NDUFA12: variants seen among roughly 807,000 people sequenced by gnomAD.
The protein encoded by NDUFA12 is NADH:ubiquinone oxidoreductase subunit A12.
A neutral mutation model predicts 20.3 loss-of-function variants in NDUFA12; 17 were observed. The observed-to-expected ratio is 0.84, with a 90% CI of 0.57 to 1.26. NDUFA12 has a LOEUF of 1.26. Ranked by LOEUF, NDUFA12 falls within the 50% of genes most tolerant of loss-of-function variation. The pLI is 0.00. For missense variants in NDUFA12, 191 were observed against 183.7 expected (o/e 1.04, Z -0.23); for synonymous variants, 72 against 63.6 (o/e 1.13, Z -0.63).
rs750550769 is a variant in NDUFA12 at position 94,974,319 on chromosome 12, T to C, written c.258-2699A>G. 4.4e-4 allele frequency among the ~76,000 whole-genome samples: 67 copies of C among 152,126 alleles called. 1 individual carries two copies. Among genetic ancestry groups the C allele is most frequent in the Non-Finnish European group, 6.6e-4 (45 of 67,988 alleles). On this transcript the variant is annotated intron_variant, in intron 3 of 3. Transcript: ENST00000327772. ...AGATATTATCTCATCCCAGTTAAAATGGCTTTTATACAAAAGACAGGCAAT... is the reference window on the plus strand; with the variant it reads ...AGATATTATCTCATCCCAGTTAAAACGGCTTTTATACAAAAGACAGGCAAT...
intron 2 of NDUFA12, among the ~76,000 whole-genome samples, chr12:95,001,467 T>G (rs1028372977): frequency 1.3e-5 from 2 of 151,790 alleles, no homozygotes; most frequent in African/African-American, 4.8e-5. Context: ...AAAAAAAAAT[T>G]TTTTTAAACA....
chr12:95,003,610 AG>A lies in NDUFA12; in HGVS notation c.70del (p.Leu24TyrfsTer15). The A allele has an allele frequency of 6.2e-7, 1 of 1,614,168 alleles. No individual in the cohort carries two copies. Among genetic ancestry groups the A allele is most frequent in the South Asian group, 1.1e-5 (1 of 91,078 alleles). On this transcript the variant is annotated frameshift_variant, in exon 1 of 4. Transcript: ENST00000327772. LOFTEE classifies it high-confidence loss of function. ...ITGHGGLRGY[L>X]RVFFRTNDAK... ...GGCCGCCTACCTGAAAAAAACCCGTAGATAGCCTCGGAGACCGCCGTGGCCG... is the reference window on the plus strand; with the variant it reads ...GGCCGCCTACCTGAAAAAAACCCGTAATAGCCTCGGAGACCGCCGTGGCCG...
At chr12:94,995,793 C>T (rs142403704) in intron 2 of NDUFA12, among the ~76,000 whole-genome samples, 8 of 152,100 alleles carry the variant, frequency 5.3e-5, no homozygotes, top group South Asian at 2.1e-4. Flanking sequence ...TTCCTAATAG[C>T]AAAAAGTCAA....
intron 2 of NDUFA12, among the ~76,000 whole-genome samples, chr12:95,000,491 T>C (rs1464806842): frequency 1.3e-5 from 2 of 152,250 alleles, no homozygotes; most frequent in East Asian, 3.8e-4. Context: ...ATCTGCCCCA[T>C]AGTGTTAACA....
chr12:94,987,083 C>T (rs553030313), intron 3 of NDUFA12, among the ~76,000 whole-genome samples: 22 of 152,032 alleles, frequency 1.4e-4, no homozygotes, highest in Non-Finnish European at 2.2e-4. Flanking sequence ...TGGAGAAAAC[C>T]GGCAGACCCC....
chr12:95,001,707 GAATT>G (rs1316442038), intron 2 of NDUFA12, among the ~76,000 whole-genome samples: 1 of 152,120 alleles, frequency 6.6e-6, no homozygotes, highest in Non-Finnish European at 1.5e-5. Flanking sequence ...AATATTTGTA[GAATT>G]AATTCTTTTT....
At chr12:94,972,544 G>C in intron 3 of NDUFA12, 1 of 421,208 alleles carries the variant, frequency 2.4e-6, no homozygotes, top group Non-Finnish European at 4.9e-6. Context: ...GTAAACACTA[G>C]AGAATATGCA....
At chr12:95,002,950 C>CT (rs1833280315) in intron 1 of NDUFA12, 129 bp from the exon 2 acceptor site, 1 of 782,510 alleles carries the variant, frequency 1.3e-6, no homozygotes, top group Admixed American at 1.9e-5. Flanking sequence ...TGAAGAAGTG[C>CT]TGGGGATGGG....
chr12:94,985,062 C>T (rs1874378482), intron 3 of NDUFA12, among the ~76,000 whole-genome samples: 1 of 142,706 alleles, frequency 7.0e-6, no homozygotes, highest in Admixed American at 6.9e-5. Context: ...ATGGCTCATG[C>T]CTGTAATCCC....
At chr12:94,977,485 C>T (rs1215887675) in intron 3 of NDUFA12, among the ~76,000 whole-genome samples, 1 of 151,176 alleles carries the variant, frequency 6.6e-6, no homozygotes, top group Non-Finnish European at 1.5e-5. Context: ...AAAAAAAACA[C>T]CCCTCCGCCC....
rs1281033028 is a variant in NDUFA12 at position 94,971,379 on chromosome 12, TAA to T, written c.*59_*60del. On this transcript the variant is annotated 3_prime_UTR_variant, in exon 4 of 4. Coordinates refer to ENST00000327772, the MANE Select transcript of NDUFA12 (RefSeq NM_018838.5). ...GTGAATTATAGTGAATGGTAAACAG[TAA>T]AAGAGTAATTACATGAAAAGCTCCA... 1 of 1,519,754 alleles carries T rather than the reference TAA, an allele frequency of 6.6e-7. No individual in the cohort carries two copies. Among genetic ancestry groups the T allele is most frequent in the Admixed American group, 1.7e-5 (1 of 59,822 alleles). The allele number at this position is 1,519,754 out of a possible 1,614,324, so 94.1% of individuals were successfully genotyped here. A position where few individuals can be genotyped will look rare whatever the true frequency, so the allele number is the denominator to read the frequency against.
At chr12:95,001,894 T>C (rs542091797) in intron 2 of NDUFA12, among the ~76,000 whole-genome samples, 177 of 151,806 alleles carry the variant, frequency 1.2e-3, no homozygotes, top group Non-Finnish European at 2.1e-3. Context: ...TAGTAGCGAC[T>C]GGGTTTCACC....
chr12:94,989,651 A>G (rs1447582861), intron 3 of NDUFA12, among the ~76,000 whole-genome samples: 2 of 152,368 alleles, frequency 1.3e-5, no homozygotes, highest in African/African-American at 4.8e-5. Context: ...AAAGAAATGC[A>G]GCTTTGAATC....
At chr12:94,988,147 C>G (rs946824760) in intron 3 of NDUFA12, among the ~76,000 whole-genome samples, 18 of 152,162 alleles carry the variant, frequency 1.2e-4, no homozygotes, top group African/African-American at 4.3e-4. Context: ...GGCTCCACAT[C>G]ACGGAACTCT....
chr12:94,996,358 C>CACACACACACACAA (rs779235801), intron 2 of NDUFA12, among the ~76,000 whole-genome samples: 1 of 141,130 alleles, frequency 7.1e-6, no homozygotes. Flanking sequence ...CACACACACA[C>CACACACACACACAA]GAGATGGGGG....
Position 94,971,589 on chromosome 12 carries a change from G to C in NDUFA12, c.289C>G (p.Pro97Ala). Residue 97 changes from proline to alanine, a missense_variant, in exon 4 of 4, where the codon CCT (proline) becomes GCT (alanine). Physicochemically the swap from Pro to Ala is conservative, Grantham distance 27. Coordinates refer to ENST00000327772, the MANE Select transcript of NDUFA12 (RefSeq NM_018838.5). Reference sequence around the variant, plus strand: ...GCAGTAAGTGGTTTTGTTGTTGGAGGATCATCAGTCATACTGTGAAGCCAA... The same window carrying C: ...GCAGTAAGTGGTTTTGTTGTTGGAGCATCATCAGTCATACTGTGAAGCCAA... ...HRWLHSMTDD[P>A]PTTKPLTARK... 1 of 1,614,146 alleles carries C rather than the reference G, an allele frequency of 6.2e-7. No individual in the cohort carries two copies. Among genetic ancestry groups the C allele is most frequent in the Non-Finnish European group, 8.5e-7 (1 of 1,180,032 alleles).
At chr12:95,002,937 A>C in intron 1 of NDUFA12, 116 bp from the exon 2 acceptor site, 1 of 855,086 alleles carries the variant, frequency 1.2e-6, no homozygotes, top group African/African-American at 1.7e-5. Context: ...TCAACTAGCA[A>C]AATGAAGAAG....
chr12:94,976,819 A>C (rs1874078275), intron 3 of NDUFA12, among the ~76,000 whole-genome samples: 1 of 152,226 alleles, frequency 6.6e-6, no homozygotes, highest in Admixed American at 6.5e-5. Flanking sequence ...CTCATTCACC[A>C]AGAGTAATAC....
intron 3 of NDUFA12, among the ~76,000 whole-genome samples, chr12:94,979,503 A>G (rs1439345627): frequency 3.9e-5 from 6 of 152,122 alleles, no homozygotes; most frequent in Non-Finnish European, 8.8e-5. Flanking sequence ...AGCAAGTAAA[A>G]TGGAGTATGG....
Sources: allele counts gnomAD v4.1 joint callset (sites outside exome capture counted in the v4.1 genomes callset), GRCh38; gene constraint gnomAD v4.1.1; transcripts MANE v1.5; gene names NCBI Gene and HGNC (gene_info 2026-07-23, HGNC 2026-07-21).